Variants in MARCHF8 observed in about 807,000 individuals in gnomAD.
MARCHF8 encodes E3 ubiquitin-protein ligase MARCHF8.
A neutral mutation model predicts 51.6 loss-of-function variants in MARCHF8; 40 were observed. The ratio of observed to expected loss-of-function variants is 0.77; its 90% CI spans 0.60 to 1.01. The LOEUF is 1.01. Among genes scored for constraint, MARCHF8 ranks in the 50% least tolerant of loss-of-function variants. The probability of loss-of-function intolerance (pLI) is 0.00; values close to 1 mark genes in which losing one functional copy is unlikely to be tolerated. For missense variants in MARCHF8, 685 were observed against 708.6 expected, an observed-to-expected ratio of 0.97 and a Z score of 0.38; for synonymous variants, 263 against 280.3, an observed-to-expected ratio of 0.94 and a Z score of 0.62.
At chr10:45,542,567 G>A (rs2044068705) in intron 1 of MARCHF8, among the ~76,000 whole-genome samples, 1 of 152,074 alleles carries the variant, frequency 6.6e-6, no homozygotes, top group Admixed American at 6.6e-5. Flanking sequence ...TACTGTAGCA[G>A]ACTACTTTCC....
intron 2 of MARCHF8, among the ~76,000 whole-genome samples, chr10:45,516,772 A>G (rs1239619833): frequency 1.3e-5 from 2 of 152,166 alleles, no homozygotes; most frequent in African/African-American, 4.8e-5. Context: ...TCAAAAAAAA[A>G]AGAATCAAGT....
At chr10:45,491,273 T>C (rs1027679006) in intron 2 of MARCHF8, among the ~76,000 whole-genome samples, 2 of 152,110 alleles carry the variant, frequency 1.3e-5, no homozygotes, top group African/African-American at 4.8e-5. Context: ...AAAGAATGTT[T>C]CTAAAAGATC....
intron 1 of MARCHF8, among the ~76,000 whole-genome samples, chr10:45,590,829 T>A (rs970186165): frequency 1.3e-5 from 2 of 152,180 alleles, no homozygotes; most frequent in African/African-American, 4.8e-5. Context: ...TCTAAGACTG[T>A]CAGGCCTGAG....
chr10:45,587,876 A>T (rs2044634373), intron 1 of MARCHF8, among the ~76,000 whole-genome samples: 1 of 152,150 alleles, frequency 6.6e-6, no homozygotes, highest in South Asian at 2.1e-4. Context: ...CCTTTTCAAC[A>T]AATGATATTA....
intron 3 of MARCHF8, among the ~76,000 whole-genome samples, chr10:45,471,810 A>G (rs77676696): frequency 0.036 from 5,419 of 152,328 alleles, 148 homozygotes; most frequent in Non-Finnish European, 0.053. Context: ...GCAGAAATGC[A>G]GCACACACCA....
chr10:45,516,491 G>A (rs570172606), intron 2 of MARCHF8, among the ~76,000 whole-genome samples: 3 of 152,082 alleles, frequency 2.0e-5, no homozygotes, highest in Non-Finnish European at 4.4e-5. Flanking sequence ...GGCCAGGCAC[G>A]GTGGCTCACG....
chr10:45,532,940 A>C (rs548327042), intron 2 of MARCHF8, among the ~76,000 whole-genome samples, 170 bp downstream of exon 2: 44 of 152,348 alleles, frequency 2.9e-4, no homozygotes, highest in African/African-American at 9.9e-4. Flanking sequence ...CCAAAATCTG[A>C]AAACCTAGAA....
intron 1 of MARCHF8, among the ~76,000 whole-genome samples, chr10:45,567,374 T>C (rs1163318200): frequency 6.6e-6 from 1 of 152,254 alleles, no homozygotes; most frequent in Non-Finnish European, 1.5e-5. Flanking sequence ...CTTGAAGATT[T>C]TCCTAATGTT....
chr10:45,508,620 C>A (rs1470072988), intron 2 of MARCHF8, among the ~76,000 whole-genome samples: 1 of 152,084 alleles, frequency 6.6e-6, no homozygotes, highest in Non-Finnish European at 1.5e-5. Context: ...GATGGAGTTT[C>A]ATTAATATAC....
At chr10:45,532,796 G>A (rs975347641) in intron 2 of MARCHF8, among the ~76,000 whole-genome samples, 4 of 152,152 alleles carry the variant, frequency 2.6e-5, no homozygotes, top group African/African-American at 7.2e-5. Context: ...TTCACACTAC[G>A]ATGAATAGGA....
chr10:45,586,311 G>A (rs2044618051), intron 1 of MARCHF8, among the ~76,000 whole-genome samples: 1 of 152,046 alleles, frequency 6.6e-6, no homozygotes. Flanking sequence ...AAATCATACA[G>A]AATGTAGTGT....
At chr10:45,467,321 C>A (rs1207906268) in intron 3 of MARCHF8, among the ~76,000 whole-genome samples, 1 of 152,052 alleles carries the variant, frequency 6.6e-6, no homozygotes, top group Non-Finnish European at 1.5e-5. Context: ...TAAATATAAA[C>A]TTCAACAAAT....
chr10:45,524,966 T>C (rs2043767515), intron 2 of MARCHF8, among the ~76,000 whole-genome samples: 1 of 152,246 alleles, frequency 6.6e-6, no homozygotes. Flanking sequence ...GATACTGCAA[T>C]GTTAAAATTC....
chr10:45,582,832 T>G (rs553850306), intron 1 of MARCHF8, among the ~76,000 whole-genome samples: 1 of 152,328 alleles, frequency 6.6e-6, no homozygotes, highest in African/African-American at 2.4e-5. Flanking sequence ...ACTTAAAAAA[T>G]ACATAAGAAA....
intron 1 of MARCHF8, chr10:45,553,245 T>C (rs1456327217): frequency 6.6e-6 from 1 of 152,160 alleles, no homozygotes; most frequent in Non-Finnish European, 1.5e-5. Flanking sequence ...GATAGAATTC[T>C]ATGCTCTGAC....
chr10:45,484,307 G>C (rs1208573983), intron 3 of MARCHF8, among the ~76,000 whole-genome samples: 1 of 152,230 alleles, frequency 6.6e-6, no homozygotes, highest in Admixed American at 6.5e-5. Context: ...ATAGGGTGAG[G>C]ACTGAGTGTG....
At chr10:45,565,281 A>G (rs990805466) in intron 1 of MARCHF8, among the ~76,000 whole-genome samples, 1 of 152,060 alleles carries the variant, frequency 6.6e-6, no homozygotes, top group African/African-American at 2.4e-5. Flanking sequence ...AAGTACAAAA[A>G]TTAACCGGGC....
At chr10:45,541,478 G>C (rs1360339357) in intron 1 of MARCHF8, among the ~76,000 whole-genome samples, 2 of 152,144 alleles carry the variant, frequency 1.3e-5, no homozygotes, top group Non-Finnish European at 2.9e-5. Flanking sequence ...TAAATGAAGA[G>C]TTAATGGGTG....
rs534298041 is a variant in MARCHF8, at chr10:45,534,464, C to G, written c.-79+747G>C. Among the ~76,000 whole-genome samples the G allele has an allele frequency of 3.9e-5, 6 of 152,230 alleles. No individual in the cohort carries two copies. In the East Asian group the frequency reaches 1.2e-3, roughly 29 times the overall value. ...CTGCCCTGTTTCTGGTTTTCTCTTA[C>G]GCATCCCCCAAAATGTCTAATAATT... On this transcript the variant is annotated intron_variant, in intron 1 of 7. Transcript: ENST00000453424.
Sources: gnomAD v4.1 joint callset for allele counts (sites outside exome capture counted in the v4.1 genomes callset) on GRCh38, gnomAD v4.1.1 for gene constraint, MANE v1.5 for transcripts, NCBI Gene and HGNC (gene_info 2026-07-23, HGNC 2026-07-21) for gene names.